The following NASP variants were observed in gnomAD, a reference collection of about 807,000 sequenced individuals.
NASP encodes the protein nuclear autoantigenic sperm protein, also known as NASP histone chaperone.
Under a neutral mutation model 89.5 loss-of-function variants are expected in NASP, and 24 were observed. The observed-to-expected ratio is 0.27, with a 90% CI of 0.19 to 0.38. The LOEUF is 0.38. Among genes scored for constraint, NASP ranks in the 10% least tolerant of loss-of-function variants. NASP has a pLI of 1.00. For synonymous variants in NASP, 306 were observed against 324.7 expected (o/e 0.94, Z 0.62); for missense variants, 848 against 921.4 (o/e 0.92, Z 1.03).
At chr1:45,594,681 A>G (rs998655034) in intron 2 of NASP, 2 of 453,688 alleles carry the variant, frequency 4.4e-6, no homozygotes, top group Non-Finnish European at 8.9e-6. Context: ...TAATTTTTGT[A>G]TTTTGTTTTT....
At chr1:45,601,804 G>A (rs1643852873) in intron 2 of NASP, among the ~76,000 whole-genome samples, 1 of 119,050 alleles carries the variant, frequency 8.4e-6, no homozygotes, top group Admixed American at 1.3e-4. Flanking sequence ...TGACCAGGCT[G>A]GAGTGCAGTG....
At chr1:45,598,059 T>C (rs1643742811) in intron 2 of NASP, among the ~76,000 whole-genome samples, 1 of 152,216 alleles carries the variant, frequency 6.6e-6, no homozygotes, top group Non-Finnish European at 1.5e-5. Flanking sequence ...TCTACTAAAA[T>C]AGTCTTGTTT....
intron 2 of NASP, among the ~76,000 whole-genome samples, chr1:45,601,111 C>T (rs887639255): frequency 7.2e-5 from 11 of 152,114 alleles, no homozygotes; most frequent in African/African-American, 2.7e-4. Context: ...CCCAGTTGGG[C>T]CTGCCTTTTT....
intron 6 of NASP, among the ~76,000 whole-genome samples, chr1:45,609,070 T>G (rs1643958391): frequency 6.6e-6 from 1 of 152,194 alleles, no homozygotes; most frequent in Non-Finnish European, 1.5e-5. Flanking sequence ...CTTAGAATAT[T>G]ATAAAGTGTG....
At position 45,617,872 on chromosome 1, in the gene NASP, T is replaced by G. The variant is rs560197244; in HGVS notation, c.2287-189T>G. On this transcript the variant is annotated intron_variant, in intron 14 of 14. Coordinates refer to ENST00000350030, the MANE Select transcript of NASP (RefSeq NM_002482.4). ...AGGTCACTTCCTTCCACGTGATGAT[T>G]ATTGGCTCTGTCAGCCCCATTATCA... 3.1e-3 allele frequency among the ~76,000 whole-genome samples: 467 copies of G among 152,334 alleles called. 1 individual carries two copies. Among genetic ancestry groups the G allele is most frequent in the Non-Finnish European group, 4.4e-3 (299 of 68,032 alleles).
chr1:45,595,129 T>TG lies in NASP; in HGVS notation c.107+3859_107+3860insG, dbSNP rs1643658891. ...CTGCCTCAGCCTGCCAGACTAAGTT[T>TG]TGTGTGTGTGTGTGTGTGTGTGTGT... On this transcript the variant is annotated intron_variant, in intron 2 of 14. Transcript: ENST00000350030. 9.3e-4 allele frequency among the ~76,000 whole-genome samples: 104 copies of TG among 111,868 alleles called. No homozygotes were observed. In the East Asian group the frequency reaches 0.012, roughly 13 times the overall value. 73.4% of individuals were successfully genotyped at this position (111,868 alleles called of 152,430 possible). A position where few individuals can be genotyped will look rare whatever the true frequency, so the allele number is the denominator to read the frequency against.
rs747844126 is a variant in NASP at position 45,591,288 on chromosome 1, GTAGT to G, written c.107+22_107+25del. ...GTGGAGAGGTAAGATTATTTACATG[GTAGT>G]TAGATTCGTATCAGAAACATAAACT... On this transcript the variant is annotated intron_variant, in intron 2 of 14. Coordinates refer to ENST00000350030, the MANE Select transcript of NASP (RefSeq NM_002482.4). The G allele has an allele frequency of 1.4e-6, 2 of 1,461,712 alleles. No homozygotes were observed. The highest frequency in any genetic ancestry group is 1.9e-6 in the Non-Finnish European group (2 of 1,075,838). The allele number at this position is 1,461,712 out of a possible 1,614,324, so 90.5% of individuals were successfully genotyped here. A position where few individuals can be genotyped will look rare whatever the true frequency, so the allele number is the denominator to read the frequency against.
rs140415049 is a variant in NASP, at chr1:45,602,954, A to G, written c.218+589A>G. On this transcript the variant is annotated intron_variant, in intron 3 of 14. Coordinates refer to ENST00000350030, the MANE Select transcript of NASP (RefSeq NM_002482.4). ...GCCTGACTTTCCGAGTTTTAACACT[A>G]GAAGTTCTGTGTCTGTGGAAACTCT... Among the ~76,000 whole-genome samples, 53 of 152,308 alleles carry G rather than the reference A, an allele frequency of 3.5e-4. 1 individual carries two copies. Among genetic ancestry groups the G allele is most frequent in the Middle Eastern group, 6.8e-3 (2 of 294 alleles).
intron 1 of NASP, 42 bp from the exon 2 acceptor site, chr1:45,591,181 C>T (rs558341084): frequency 5.9e-6 from 7 of 1,196,474 alleles, no homozygotes; most frequent in African/African-American, 1.6e-5. Flanking sequence ...TTAATAATTG[C>T]CTCCAGTTTT....
At position 45,586,239 on chromosome 1, in the gene NASP, CGTGTGTGT is replaced by C. The variant is rs537983711; in HGVS notation, c.59+2072_59+2079del. Among the ~76,000 whole-genome samples, 362 of 110,270 alleles carry C rather than the reference CGTGTGTGT, an allele frequency of 3.3e-3. 2 individuals carry two copies. Among genetic ancestry groups the C allele is most frequent in the African/African-American group, 0.011 (279 of 25,670 alleles). 72.3% of individuals were successfully genotyped at this position (110,270 alleles called of 152,430 possible). ...CGGCCCCCTGCAGCCCCTACCGTGC[CGTGTGTGT>C]GTGTGTGTGTGTGTGTGTGTGTGTG... On this transcript the variant is annotated intron_variant, in intron 1 of 14. Transcript: ENST00000350030.
chr1:45,615,292 TTA>T lies in NASP; in HGVS notation c.1856-11_1856-10del. Reference sequence around the variant, plus strand: ...CTTTTTTGAGCCATTACTAATCACTTTATTCTTTTTAGCTGTACTAAACGAGC... The same window carrying T: ...CTTTTTTGAGCCATTACTAATCACTTTTCTTTTTAGCTGTACTAAACGAGC... On this transcript the variant is annotated splice_polypyrimidine_tract_variant and intron_variant, in intron 10 of 14. Transcript: ENST00000350030. 1 of 1,613,106 alleles carries T rather than the reference TTA, an allele frequency of 6.2e-7. No individual in the cohort carries two copies. Among genetic ancestry groups the T allele is most frequent in the Non-Finnish European group, 8.5e-7 (1 of 1,179,622 alleles).
intron 2 of NASP, among the ~76,000 whole-genome samples, chr1:45,600,723 A>T (rs1643819756): frequency 6.6e-6 from 1 of 152,214 alleles, no homozygotes; most frequent in Non-Finnish European, 1.5e-5. Flanking sequence ...TGGCTAGATC[A>T]TATGGTAGGT....
intron 2 of NASP, among the ~76,000 whole-genome samples, chr1:45,596,002 C>T (rs967870840): frequency 2.6e-5 from 4 of 152,102 alleles, no homozygotes; most frequent in Non-Finnish European, 5.9e-5. Flanking sequence ...AAAGAATGAC[C>T]AACAGACAAA....
At chr1:45,589,557 A>T (rs886301813) in intron 1 of NASP, among the ~76,000 whole-genome samples, 5 of 152,188 alleles carry the variant, frequency 3.3e-5, no homozygotes, top group Non-Finnish European at 7.3e-5. Context: ...ATGAAGCCAT[A>T]GCTTCATAGT....
chr1:45,617,953 C>A, intron 14 of NASP, 108 bp from the exon 15 acceptor site: 3 of 945,442 alleles, frequency 3.2e-6, no homozygotes, highest in Non-Finnish European at 4.9e-6. Context: ...GGGAGCAAAG[C>A]AGAGTTTGGG....
chr1:45,606,806 C>T (rs769278098), intron 5 of NASP: 23 of 423,318 alleles, frequency 5.4e-5, no homozygotes, highest in Non-Finnish European at 9.2e-5. Context: ...CAAGTAAATC[C>T]AGTTATTTCG....
At chr1:45,601,177 G>C (rs1408452040) in intron 2 of NASP, among the ~76,000 whole-genome samples, 1 of 151,988 alleles carries the variant, frequency 6.6e-6, no homozygotes, top group Admixed American at 6.6e-5. Context: ...GGTGTGTCTA[G>C]TTTATTGATT....
Position 45,593,858 on chromosome 1 carries a change from A to G in NASP, c.107+2588A>G, listed in dbSNP as rs895326236. Among the ~76,000 whole-genome samples the G allele has an allele frequency of 3.3e-5, 5 of 150,422 alleles. No homozygotes were observed. The East Asian group carries it at 9.8e-4, about 29-fold the overall frequency. ...ACATAGCAAGACGCCATCTGTACAA[A>G]AAAAAAAAATTTTTTTTTTAATTAA... On this transcript the variant is annotated intron_variant, in intron 2 of 14. Transcript: ENST00000350030.
chr1:45,586,142 A>G (rs1644530564), intron 1 of NASP, among the ~76,000 whole-genome samples: 1 of 140,424 alleles, frequency 7.1e-6, no homozygotes, highest in Non-Finnish European at 1.5e-5. Context: ...CTGAGCAATT[A>G]TATGTGCTGG....
Sources: allele counts gnomAD v4.1 joint callset (sites outside exome capture counted in the v4.1 genomes callset), GRCh38; gene constraint gnomAD v4.1.1; transcripts MANE v1.5; gene names NCBI Gene and HGNC (gene_info 2026-07-23, HGNC 2026-07-21).